The following ENAH variants were observed in gnomAD, a reference collection of about 807,000 sequenced individuals.
ENAH encodes the protein protein enabled homolog.
ENAH carries 23 observed loss-of-function variants against 78.7 expected under a neutral mutation model. That is an observed-to-expected ratio of 0.29 (90% CI 0.21 to 0.41). The LOEUF is 0.41. ENAH is among the 10% of genes least tolerant of loss of function. ENAH has a pLI of 1.00. For missense variants in ENAH, 544 were observed against 691.0 expected, an observed-to-expected ratio of 0.79 and a Z score of 2.39; for synonymous variants, 226 against 241.0, an observed-to-expected ratio of 0.94 and a Z score of 0.58.
chr1:225,554,379 A>G (rs2096656123), intron 3 of ENAH, among the ~76,000 whole-genome samples: 3 of 152,296 alleles, frequency 2.0e-5, no homozygotes, highest in Middle Eastern at 3.4e-3. Context: ...ATGCACTATC[A>G]GAGGAGATGC....
intron 5 of ENAH, 187 bp from the exon 6 acceptor site, chr1:225,517,493 C>T (rs1242292511): frequency 3.4e-5 from 52 of 1,551,488 alleles, no homozygotes; most frequent in Non-Finnish European, 8.7e-7. Flanking sequence ...ACAGAGTCAA[C>T]CAGCCCATTG....
At chr1:225,537,722 C>CT (rs11321329) in intron 3 of ENAH, among the ~76,000 whole-genome samples, 5,076 of 146,962 alleles carry the variant, frequency 0.035, 107 homozygotes, top group East Asian at 0.091. Context: ...GGCCTATTGA[C>CT]TTTTTTTTTT....
intron 4 of ENAH, among the ~76,000 whole-genome samples, chr1:225,521,205 C>T (rs1174091049): frequency 6.6e-6 from 1 of 152,176 alleles, no homozygotes; most frequent in Non-Finnish European, 1.5e-5. Flanking sequence ...ATTGGCAATA[C>T]TGCAATAACA....
intron 4 of ENAH, among the ~76,000 whole-genome samples, chr1:225,523,778 G>A (rs1320133825): frequency 1.3e-5 from 2 of 152,116 alleles, no homozygotes; most frequent in African/African-American, 4.8e-5. Flanking sequence ...CATTTGTGTA[G>A]CTTTCTAGGA....
At chr1:225,531,309 T>C (rs1275618387) in intron 3 of ENAH, among the ~76,000 whole-genome samples, 1 of 152,112 alleles carries the variant, frequency 6.6e-6, no homozygotes, top group Non-Finnish European at 1.5e-5. Context: ...CTTGCATTCA[T>C]ACAACATGGT....
At chr1:225,526,650 G>GA (rs1197157109) in intron 4 of ENAH, among the ~76,000 whole-genome samples, 15 of 151,734 alleles carry the variant, frequency 9.9e-5, no homozygotes, top group South Asian at 2.1e-4. Flanking sequence ...TCTCGGCGGG[G>GA]AAAAAAACAG....
chr1:225,505,071 A>G (rs1426985819), intron 11 of ENAH: 1 of 1,572,052 alleles, frequency 6.4e-7, no homozygotes, highest in East Asian at 2.2e-5. Flanking sequence ...GGGGAAAACC[A>G]TTGAAAGGGA....
intron 1 of ENAH, among the ~76,000 whole-genome samples, chr1:225,592,478 G>A (rs1369280085): frequency 6.6e-6 from 1 of 152,154 alleles, no homozygotes; most frequent in Non-Finnish European, 1.5e-5. Flanking sequence ...GTGGTTATCT[G>A]TCAATCTGAG....
At chr1:225,612,850 G>A (rs937289993) in intron 1 of ENAH, among the ~76,000 whole-genome samples, 1 of 151,858 alleles carries the variant, frequency 6.6e-6, no homozygotes, top group Admixed American at 6.6e-5. Context: ...CAAAAAAAAG[G>A]GGGGGAGGAG....
intron 1 of ENAH, among the ~76,000 whole-genome samples, chr1:225,580,808 T>G: frequency 6.6e-6 from 1 of 150,888 alleles, no homozygotes; most frequent in East Asian, 2.0e-4. Flanking sequence ...TCCCAGCTAC[T>G]TGGGAGGCTG....
intron 1 of ENAH, among the ~76,000 whole-genome samples, chr1:225,628,882 G>C (rs557874639): frequency 1.8e-4 from 27 of 149,516 alleles, no homozygotes; most frequent in Non-Finnish European, 3.4e-4. Flanking sequence ...CTCCAACCTG[G>C]GCAACAAGAG....
At chr1:225,516,978 C>G (rs1463806040) in intron 6 of ENAH, among the ~76,000 whole-genome samples, 1 of 151,242 alleles carries the variant, frequency 6.6e-6, no homozygotes, top group African/African-American at 2.4e-5. Context: ...ATATCAAAAC[C>G]TAGTTCAATA....
At position 225,497,691 on chromosome 1, in the gene ENAH, T is replaced by G; in HGVS notation, c.*84A>C. The stretch of plus-strand genomic sequence containing the variant: ...ATTTTCTTCTTACAGCTCATAAATG[T>G]AGGGGTTTGCTGTTGTGAACAGTTG... On this transcript the variant is annotated 3_prime_UTR_variant, in exon 14 of 14. Transcript: ENST00000366843. 7.3e-7 allele frequency: 1 copy of G among 1,361,614 alleles called. No individual in the cohort carries two copies. Among genetic ancestry groups the G allele is most frequent in the Non-Finnish European group, 1.0e-6 (1 of 972,032 alleles). 84.3% of individuals were successfully genotyped at this position (1,361,614 alleles called of 1,614,324 possible). A position where few individuals can be genotyped will look rare whatever the true frequency, so the allele number is the denominator to read the frequency against.
chr1:225,635,781 C>G (rs904151579), intron 1 of ENAH, among the ~76,000 whole-genome samples: 2 of 152,118 alleles, frequency 1.3e-5, no homozygotes, highest in Admixed American at 6.6e-5. Flanking sequence ...CAACTGAAGA[C>G]AGACAGGAAA....
rs59508510 is a variant in ENAH at position 225,609,656 on chromosome 1, ATTTTT to A, written c.6-42247_6-42243del. Among the ~76,000 whole-genome samples the A allele has an allele frequency of 1.6e-3, 120 of 76,466 alleles. 1 individual carries two copies. The highest frequency in any genetic ancestry group is 6.6e-3 in the South Asian group (13 of 1,980). 50.2% of individuals were successfully genotyped at this position (76,466 alleles called of 152,430 possible). On this transcript the variant is annotated intron_variant, in intron 1 of 13. Transcript: ENST00000366843. ...ATTCTAGCAGGAAAGGGAAAAATGGATTTTTTTTTTTTTTTTTTTTTTTTTTTTGA... is the reference window on the plus strand; with the variant it reads ...ATTCTAGCAGGAAAGGGAAAAATGGATTTTTTTTTTTTTTTTTTTTTTTGA...
intron 3 of ENAH, among the ~76,000 whole-genome samples, chr1:225,537,736 T>C (rs1034734133): frequency 1.7e-4 from 19 of 114,610 alleles, no homozygotes; most frequent in Admixed American, 8.9e-4. Flanking sequence ...TTTTTTTTTT[T>C]CACGGCTGTC....
At chr1:225,645,687 G>A (rs949664088) in intron 1 of ENAH, among the ~76,000 whole-genome samples, 13 of 152,120 alleles carry the variant, frequency 8.5e-5, no homozygotes, top group Non-Finnish European at 7.3e-5. Context: ...TAAAAGTGGG[G>A]GATTTACTCT....
intron 7 of ENAH, among the ~76,000 whole-genome samples, chr1:225,514,019 A>G (rs2096397437): frequency 6.6e-6 from 1 of 152,118 alleles, no homozygotes; most frequent in Non-Finnish European, 1.5e-5. Context: ...GTGCATGTGT[A>G]AAGAAGGAAA....
intron 1 of ENAH, among the ~76,000 whole-genome samples, chr1:225,634,619 T>C (rs1659733910): frequency 6.6e-6 from 1 of 152,160 alleles, no homozygotes; most frequent in Non-Finnish European, 1.5e-5. Flanking sequence ...CACTAAACTC[T>C]CTTTGAAAAG....
Sources: gnomAD v4.1 joint callset for allele counts (sites outside exome capture counted in the v4.1 genomes callset) on GRCh38, gnomAD v4.1.1 for gene constraint, MANE v1.5 for transcripts, NCBI Gene and HGNC (gene_info 2026-07-23, HGNC 2026-07-21) for gene names.